The following GIMAP8 variants were observed in gnomAD, a reference collection of about 807,000 sequenced individuals.
The protein encoded by GIMAP8 is GTPase IMAP family member 8.
Under a neutral mutation model 35.6 loss-of-function variants are expected in GIMAP8, and 29 were observed. The observed-to-expected ratio is 0.81, with a 90% confidence interval of 0.61 to 1.11. The LOEUF (loss-of-function observed/expected upper bound fraction) is 1.11, where lower values mean the gene tolerates loss of function less well. Ranked by LOEUF, GIMAP8 falls within the 50% of genes most tolerant of loss-of-function variation. The pLI is 0.00. For missense variants in GIMAP8, 811 were observed against 805.0 expected (o/e 1.01, Z -0.09); for synonymous variants, 335 against 308.7 (o/e 1.09, Z -0.89).
rs143010699 is a variant in GIMAP8 at position 150,477,017 on chromosome 7, G to A, written c.1310-75G>A. ...CTGTTTACTTTAGTGATGTAATCTTGCTTCATGGGATAACTTTAAAATCCA... is the reference window on the plus strand; with the variant it reads ...CTGTTTACTTTAGTGATGTAATCTTACTTCATGGGATAACTTTAAAATCCA... On this transcript the variant is annotated intron_variant, in intron 4 of 4. Transcript: ENST00000307271. 967 of 1,161,618 alleles carry A rather than the reference G, an allele frequency of 8.3e-4. 7 individuals are homozygous for A. The African/African-American group carries it at 8.9e-3, about 11-fold the overall frequency. The allele number at this position is 1,161,618 out of a possible 1,614,324, so 72.0% of individuals were successfully genotyped here.
At chr7:150,470,541 A>G (rs1267826375) in intron 2 of GIMAP8, among the ~76,000 whole-genome samples, 6 of 152,104 alleles carry the variant, frequency 3.9e-5, no homozygotes, top group Non-Finnish European at 5.9e-5. Flanking sequence ...GGTTAGAATA[A>G]GCTTCCTTTC....
At chr7:150,458,779 G>T (rs1219249825) in intron 1 of GIMAP8, among the ~76,000 whole-genome samples, 3 of 152,156 alleles carry the variant, frequency 2.0e-5, no homozygotes, top group African/African-American at 7.2e-5. Flanking sequence ...TAAGTACTAT[G>T]ATGTAAAGTT....
Position 150,472,366 on chromosome 7 carries a change from G to A in GIMAP8, c.682+1492G>A, listed in dbSNP as rs1441193169. Among the ~76,000 whole-genome samples, 1 of 152,214 alleles carries A rather than the reference G, an allele frequency of 6.6e-6. No individual in the cohort carries two copies. Among genetic ancestry groups the A allele is most frequent in the African/African-American group, 2.4e-5 (1 of 41,460 alleles). ...TGGAACGAGGCTAAAGCCATCAGGA[G>A]GCAGCTGTCATCTATTTAGCCAGTG... is the stretch of plus-strand genomic sequence containing the variant. On this transcript the variant is annotated intron_variant, in intron 3 of 4. Coordinates refer to ENST00000307271, the MANE Select transcript of GIMAP8 (RefSeq NM_175571.4). The surrounding 1 kb of genome is among the most constrained non-coding windows in gnomAD (Gnocchi z 4.1).
Position 150,474,049 on chromosome 7 carries a change from G to A in GIMAP8, c.720G>A (p.Glu240=). Residue 240 remains glutamate, a synonymous_variant, in exon 4 of 5, where the codon GAG becomes GAA. Transcript: ENST00000307271. ...GGCAGCTGCAGTCCACAGGACCCGA[G>A]CAGAATCCGGGGACATCAGAACTGA... ...RERQLQSTGP[E]QNPGTSELTV... The A allele has an allele frequency of 1.9e-6, 3 of 1,614,082 alleles. No homozygotes were observed. Among genetic ancestry groups the A allele is most frequent in the Non-Finnish European group, 2.5e-6 (3 of 1,180,002 alleles).
In GIMAP8 at chr7:150,472,748, AT is replaced by A. The variant is rs1174342914; in HGVS notation, c.683-1261del. Among the ~76,000 whole-genome samples, 1 of 152,172 alleles carries A rather than the reference AT, an allele frequency of 6.6e-6. No individual in the cohort carries two copies. Among genetic ancestry groups the A allele is most frequent in the Non-Finnish European group, 1.5e-5 (1 of 68,032 alleles). On this transcript the variant is annotated intron_variant, in intron 3 of 4. Coordinates refer to ENST00000307271, the MANE Select transcript of GIMAP8 (RefSeq NM_175571.4). This position sits in a 1 kb window ranked among gnomAD's most constrained non-coding sequence, Gnocchi z 4.1. The stretch of plus-strand genomic sequence containing the variant: ...GGTGAAGTTCTCTTGAAGAAGTTAT[AT>A]TTGCATAGGAACCTGAGTAGCCAGC...
At chr7:150,464,590 A>G (rs1444039639) in intron 1 of GIMAP8, among the ~76,000 whole-genome samples, 1 of 152,156 alleles carries the variant, frequency 6.6e-6, no homozygotes, top group African/African-American at 2.4e-5. Context: ...AGGTCGAGGC[A>G]GGAGATGACT....
chr7:150,473,673 G>T (rs1416259173), intron 3 of GIMAP8, among the ~76,000 whole-genome samples: 1 of 150,770 alleles, frequency 6.6e-6, no homozygotes, highest in African/African-American at 2.4e-5. Flanking sequence ...TTAGCCCCTG[G>T]GCTTACCTTT....
At chr7:150,462,643 G>C (rs1200783694) in intron 1 of GIMAP8, among the ~76,000 whole-genome samples, 1 of 152,062 alleles carries the variant, frequency 6.6e-6, no homozygotes, top group Non-Finnish European at 1.5e-5. Context: ...TTTTTTTCCA[G>C]TACTTTGAAT....
In GIMAP8 at chr7:150,474,330, G is replaced by T; in HGVS notation, c.1001G>T (p.Gly334Val). The change falls in exon 4 of 5, where the codon GGC becomes GTC. Residue 334 changes from glycine (G) to valine (V), a missense_variant. Transcript: ENST00000307271. ...GCCTTCCTGCTGGTGACACCACTGGGCTTTTACACTAAGAATGATGAGGCA... is the reference window on the plus strand; with the variant it reads ...GCCTTCCTGCTGGTGACACCACTGGTCTTTTACACTAAGAATGATGAGGCA... ...PHAFLLVTPL[G>V]FYTKNDEAVL... is the part of the protein sequence containing the mutation. The T allele has an allele frequency of 6.2e-7, 1 of 1,614,154 alleles. No individual in the cohort carries two copies. Among genetic ancestry groups the T allele is most frequent in the African/African-American group, 1.3e-5 (1 of 75,034 alleles).
chr7:150,474,619 T>C lies in GIMAP8; in HGVS notation c.1290T>C (p.His430=). Residue 430 remains histidine, a synonymous_variant, in exon 4 of 5, where the codon CAT becomes CAC. Transcript: ENST00000307271. ...ESMVHQNGNK[H]CVFREKETLN... Reference sequence around the variant, plus strand: ...TGGTGCATCAGAATGGGAACAAGCATTGTGTTTTCAGAGAAAAAGGTAAAA... The same window carrying C: ...TGGTGCATCAGAATGGGAACAAGCACTGTGTTTTCAGAGAAAAAGGTAAAA... 6.3e-7 allele frequency: 1 copy of C among 1,594,506 alleles called. No individual in the cohort carries two copies. The highest frequency in any genetic ancestry group is 1.8e-5 in the Admixed American group (1 of 54,798).
chr7:150,467,409 G>A, intron 2 of GIMAP8, 75 bp downstream of exon 2: 2 of 1,156,206 alleles, frequency 1.7e-6, no homozygotes, highest in Non-Finnish European at 2.5e-6. Flanking sequence ...ATAAATAAAT[G>A]AAATATTGCA....
At chr7:150,455,157 C>CA (rs1801702539) in intron 1 of GIMAP8, among the ~76,000 whole-genome samples, 1 of 138,170 alleles carries the variant, frequency 7.2e-6, no homozygotes, top group Non-Finnish European at 1.6e-5. Context: ...AAAAAAAAAC[C>CA]AAAAAACAAA....
At position 150,474,055 on chromosome 7, in the gene GIMAP8, T is replaced by G; in HGVS notation, c.726T>G (p.Asn242Lys). 1 of 1,614,038 alleles carries G rather than the reference T, an allele frequency of 6.2e-7. No homozygotes were observed. Among genetic ancestry groups the G allele is most frequent in the Non-Finnish European group, 8.5e-7 (1 of 1,180,010 alleles). The change falls in exon 4 of 5, where the codon AAT (asparagine) becomes AAG (lysine). Residue 242 changes from asparagine (N) to lysine (K), a missense_variant. Coordinates refer to ENST00000307271, the MANE Select transcript of GIMAP8 (RefSeq NM_175571.4). The part of the protein sequence containing the change: ...RQLQSTGPEQ[N>K]PGTSELTVLL... ...TGCAGTCCACAGGACCCGAGCAGAA[T>G]CCGGGGACATCAGAACTGACAGTCC...
At chr7:150,476,174 T>G (rs888874005) in intron 4 of GIMAP8, among the ~76,000 whole-genome samples, 6 of 152,228 alleles carry the variant, frequency 3.9e-5, no homozygotes, top group Non-Finnish European at 7.3e-5. Flanking sequence ...CATAAACAGG[T>G]TAATAATTTC....
intron 1 of GIMAP8, among the ~76,000 whole-genome samples, chr7:150,464,438 T>C (rs1486397473): frequency 6.6e-6 from 1 of 152,174 alleles, no homozygotes; most frequent in African/African-American, 2.4e-5. Flanking sequence ...TCCTAACACT[T>C]TGTGAGGCCA....
In GIMAP8 at chr7:150,478,080, G is replaced by A; in HGVS notation, c.*300G>A. 2.5e-6 allele frequency: 1 copy of A among 405,112 alleles called. No individual in the cohort carries two copies. Among genetic ancestry groups the A allele is most frequent in the Middle Eastern group, 7.1e-4 (1 of 1,416 alleles). 25.1% of individuals were successfully genotyped at this position (405,112 alleles called of 1,614,324 possible). A position where few individuals can be genotyped will look rare whatever the true frequency, so the allele number is the denominator to read the frequency against. On this transcript the variant is annotated 3_prime_UTR_variant, in exon 5 of 5. Coordinates refer to ENST00000307271, the MANE Select transcript of GIMAP8 (RefSeq NM_175571.4). ...AAGTCACAAGAATCACCTCACTTGT[G>A]TAGGTAGGTTGGAATCAGGATAGAC... is the stretch of plus-strand genomic sequence containing the variant.
At chr7:150,462,624 C>CA (rs201150135) in intron 1 of GIMAP8, among the ~76,000 whole-genome samples, 2,387 of 152,098 alleles carry the variant, frequency 0.016, 35 homozygotes, top group Middle Eastern at 0.027. Flanking sequence ...TATTCTTGGC[C>CA]AAAAAATTTT....
chr7:150,465,500 G>A (rs933695302), intron 1 of GIMAP8, among the ~76,000 whole-genome samples: 29 of 152,204 alleles, frequency 1.9e-4, no homozygotes, highest in Admixed American at 5.2e-4. Flanking sequence ...CTTGATTTCA[G>A]GTCAGGGTCT....
At chr7:150,461,264 T>A (rs1441201658) in intron 1 of GIMAP8, among the ~76,000 whole-genome samples, 1 of 151,202 alleles carries the variant, frequency 6.6e-6, no homozygotes, top group East Asian at 1.9e-4. Flanking sequence ...TGGTGTAGAT[T>A]AAGTCCTATG....
Sources: gnomAD v4.1 joint callset for allele counts (sites outside exome capture counted in the v4.1 genomes callset) on GRCh38, gnomAD v4.1.1 for gene constraint, Gnocchi (gnomAD v3.1) non-coding constraint, MANE v1.5 for transcripts, NCBI Gene and HGNC (gene_info 2026-07-23, HGNC 2026-07-21) for gene names.